Variants in CELF2 observed in about 807,000 individuals in gnomAD.
CELF2 encodes CUG triplet repeat RNA-binding protein 2.
A neutral mutation model predicts 62.6 loss-of-function variants in CELF2; 8 were observed. That is an observed-to-expected ratio of 0.13 (90% CI 0.07 to 0.23). CELF2 has a LOEUF of 0.23. Ranked by LOEUF, CELF2 falls within the 10% of genes least tolerant of loss-of-function variation. The pLI is 1.00. For synonymous variants in CELF2, 258 were observed against 250.0 expected, an observed-to-expected ratio of 1.03 and a Z score of -0.30; for missense variants, 333 against 671.0, an observed-to-expected ratio of 0.50 and a Z score of 5.56.
chr10:10,527,474 A>G, the CELF2 span, among the ~76,000 whole-genome samples: 6,347 of 150,482 alleles, frequency 0.042, 441 homozygotes, highest in African/African-American at 0.15. Flanking sequence ...TAACCAGGCT[A>G]TAGAGTTTAA....
chr10:10,718,548 T>G, the CELF2 span, among the ~76,000 whole-genome samples: 1 of 147,552 alleles, frequency 6.8e-6, no homozygotes, highest in Non-Finnish European at 1.5e-5. Context: ...TGCTTGACCC[T>G]AGGAGGCAGA....
At chr10:10,534,173 T>G in the CELF2 span, among the ~76,000 whole-genome samples, 1 of 127,600 alleles carries the variant, frequency 7.8e-6, no homozygotes. Flanking sequence ...CTCAGTAAAA[T>G]GGCAGAGACA....
Position 11,165,016 on chromosome 10 carries a change from C to T in CELF2, c.75-470C>T. 3 of 977,024 alleles carry T rather than the reference C, an allele frequency of 3.1e-6. No individual in the cohort carries two copies. Among genetic ancestry groups the T allele is most frequent in the Non-Finnish European group, 3.7e-6 (3 of 821,658 alleles). The allele number at this position is 977,024 out of a possible 1,614,324, so 60.5% of individuals were successfully genotyped here. A position where few individuals can be genotyped will look rare whatever the true frequency, so the allele number is the denominator to read the frequency against. ...ATTATTACCACCTCTCTCCTCTCTT[C>T]CAAAAACCTCCCAAAAAGGGCGGTG... On this transcript the variant is annotated intron_variant, in intron 1 of 12. Transcript: ENST00000633077. The surrounding 1 kb of genome is among the most constrained non-coding windows in gnomAD (Gnocchi z 7.4).
At chr10:10,920,013 C>T in intron 2 of CELF2, 3 of 1,230,534 alleles carry the variant, frequency 2.4e-6, no homozygotes, top group Non-Finnish European at 3.0e-6. Context: ...AGCACGCTGG[C>T]TTTGCTTATT....
At chr10:10,994,631 A>C (rs1250308099) in intron 2 of CELF2, among the ~76,000 whole-genome samples, 4 of 152,210 alleles carry the variant, frequency 2.6e-5, no homozygotes, top group Non-Finnish European at 5.9e-5. Flanking sequence ...TGTGAACAGC[A>C]CATGCAAGGG....
At chr10:11,086,578 T>TAAAAAAAAAAAAAAAAAA (rs1168932032) in intron 1 of CELF2, among the ~76,000 whole-genome samples, 5 of 71,984 alleles carry the variant, frequency 6.9e-5, no homozygotes, top group African/African-American at 2.7e-4. Context: ...TTGCATTTGT[T>TAAAAAAAAAAAAAAAAAA]AAAAAAAAAA....
chr10:10,610,377 A>G, the CELF2 span, among the ~76,000 whole-genome samples: 10 of 152,224 alleles, frequency 6.6e-5, no homozygotes, highest in Admixed American at 5.2e-4. Flanking sequence ...CAACTCAAAA[A>G]ACAAAATTTT....
chr10:10,734,886 G>T, the CELF2 span, among the ~76,000 whole-genome samples: 1 of 152,178 alleles, frequency 6.6e-6, no homozygotes, highest in Non-Finnish European at 1.5e-5. Context: ...TGGGCTCCCT[G>T]CCCTGTAAAC....
intron 2 of CELF2, among the ~76,000 whole-genome samples, chr10:11,210,010 G>GA (rs950245937): frequency 4.0e-5 from 6 of 150,962 alleles, no homozygotes; most frequent in East Asian, 1.9e-4. Flanking sequence ...TCATTCACAG[G>GA]AAAAAAAAAT....
rs1252777597 is a variant in CELF2, at chr10:11,145,031, T to A, written c.75-20455T>A. On this transcript the variant is annotated intron_variant, in intron 1 of 12. Coordinates refer to ENST00000633077, the MANE Select transcript of CELF2 (RefSeq NM_001326342.2). This position sits in a 1 kb window ranked among gnomAD's most constrained non-coding sequence, Gnocchi z 4.3. Reference sequence around the variant, plus strand: ...CGAAGGCAAGGCAGCTTAATAGAATTTGAATATAACTAAATCCATCCACTT... The same window carrying A: ...CGAAGGCAAGGCAGCTTAATAGAATATGAATATAACTAAATCCATCCACTT... 6.6e-6 allele frequency among the ~76,000 whole-genome samples: 1 copy of A among 152,128 alleles called. No individual in the cohort carries two copies. Among genetic ancestry groups the A allele is most frequent in the African/African-American group, 2.4e-5 (1 of 41,414 alleles).
At chr10:10,651,646 C>G in the CELF2 span, among the ~76,000 whole-genome samples, 231 of 149,310 alleles carry the variant, frequency 1.5e-3, 1 homozygote, top group Middle Eastern at 6.8e-3. Flanking sequence ...TCCAACAGAC[C>G]TGCAGCTGAG....
intron 11 of CELF2, among the ~76,000 whole-genome samples, chr10:11,322,862 CAAAG>C (rs1382754014): frequency 6.6e-6 from 1 of 151,916 alleles, no homozygotes; most frequent in African/African-American, 2.4e-5. Context: ...CTTGTCTTCC[CAAAG>C]AAAGGCCTGT....
the CELF2 span, among the ~76,000 whole-genome samples, chr10:10,780,986 T>C: frequency 6.6e-6 from 1 of 152,228 alleles, no homozygotes; most frequent in South Asian, 2.1e-4. Context: ...GCCTCATTGA[T>C]AAAACATTCT....
At chr10:10,921,333 G>A (rs1416668074) in intron 2 of CELF2, among the ~76,000 whole-genome samples, 1 of 151,526 alleles carries the variant, frequency 6.6e-6, no homozygotes, top group African/African-American at 2.4e-5. Context: ...GCAGTGGCAC[G>A]ATCTCGGCTC....
chr10:10,807,531 T>C (rs2055358543), intron 1 of CELF2, among the ~76,000 whole-genome samples: 1 of 152,196 alleles, frequency 6.6e-6, no homozygotes, highest in Non-Finnish European at 1.5e-5. Flanking sequence ...ATAACTATTG[T>C]CATGCAAATA....
the CELF2 span, among the ~76,000 whole-genome samples, chr10:10,544,501 A>G: frequency 3.3e-5 from 5 of 152,232 alleles, no homozygotes; most frequent in Admixed American, 6.5e-5. Flanking sequence ...ATTATATGTG[A>G]TATTCTTGCA....
chr10:10,489,153 C>CA, the CELF2 span, among the ~76,000 whole-genome samples: 117 of 150,738 alleles, frequency 7.8e-4, 1 homozygote, highest in East Asian at 0.019. Flanking sequence ...ACTTCTTCAC[C>CA]AAAAAAAAAC....
chr10:11,232,541 A>G (rs2069154109), intron 3 of CELF2, among the ~76,000 whole-genome samples: 1 of 152,190 alleles, frequency 6.6e-6, no homozygotes, highest in African/African-American at 2.4e-5. Flanking sequence ...CAGTTGACGA[A>G]TGGTAAAATC....
intron 1 of CELF2, among the ~76,000 whole-genome samples, chr10:11,106,632 G>A (rs1329380472): frequency 6.6e-6 from 1 of 152,366 alleles, no homozygotes; most frequent in East Asian, 1.9e-4. Flanking sequence ...ACCCTCCAGG[G>A]TGGAATTCCC....
Sources: gnomAD v4.1 joint callset for allele counts (sites outside exome capture counted in the v4.1 genomes callset) on GRCh38, gnomAD v4.1.1 for gene constraint, Gnocchi (gnomAD v3.1) non-coding constraint, MANE v1.5 for transcripts, NCBI Gene and HGNC (gene_info 2026-07-23, HGNC 2026-07-21) for gene names.